The following CPSF2 variants were observed in gnomAD, a reference collection of about 807,000 sequenced individuals.
The protein encoded by CPSF2 is cleavage and polyadenylation specificity factor subunit 2.
CPSF2 carries 51 observed loss-of-function variants against 84.2 expected under a neutral mutation model. The observed-to-expected ratio is 0.61, with a 90% confidence interval of 0.48 to 0.77. The LOEUF (loss-of-function observed/expected upper bound fraction) is 0.77, where lower values mean the gene tolerates loss of function less well. Ranked by LOEUF, CPSF2 falls within the 30% of genes least tolerant of loss-of-function variation. The probability of loss-of-function intolerance (pLI) is 0.00; values close to 1 mark genes in which losing one functional copy is unlikely to be tolerated. For synonymous variants in CPSF2, 286 were observed against 311.9 expected, an observed-to-expected ratio of 0.92 and a Z score of 0.87; for missense variants, 641 against 929.4, an observed-to-expected ratio of 0.69 and a Z score of 4.03.
chr14:92,156,327 A>T, intron 11 of CPSF2, 152 bp from the exon 12 acceptor site: 1 of 603,696 alleles, frequency 1.7e-6, no homozygotes, highest in Non-Finnish European at 2.8e-6. Context: ...GCCATCTGGT[A>T]ATTGATATGA....
intron 7 of CPSF2, among the ~76,000 whole-genome samples, chr14:92,139,278 G>A (rs188538973): frequency 1.3e-5 from 2 of 151,836 alleles, no homozygotes; most frequent in African/African-American, 2.4e-5. Context: ...TTAGCCGGGC[G>A]TGGTGGCGGG....
chr14:92,145,550 G>A (rs1253772275), intron 9 of CPSF2, among the ~76,000 whole-genome samples: 1 of 152,186 alleles, frequency 6.6e-6, no homozygotes, highest in East Asian at 1.9e-4. Flanking sequence ...GAATTGTTGA[G>A]CAAGGATTCT....
At chr14:92,125,405 G>T (rs988731007) in intron 1 of CPSF2, among the ~76,000 whole-genome samples, 1 of 152,138 alleles carries the variant, frequency 6.6e-6, no homozygotes, top group Admixed American at 6.5e-5. Context: ...AATACAATTT[G>T]AGACTGAAGA....
Position 92,161,888 on chromosome 14 carries a change from A to G in CPSF2, c.*144A>G, listed in dbSNP as rs2069378557. ...ACATGTATCAGATTTTTAAAAATAT[A>G]AATAGAGAACATTTTGCAAATGCTC... On this transcript the variant is annotated 3_prime_UTR_variant, in exon 16 of 16. Transcript: ENST00000298875. 3 of 560,338 alleles carry G rather than the reference A, an allele frequency of 5.4e-6. No homozygotes were observed. The highest frequency in any genetic ancestry group is 9.2e-6 in the Non-Finnish European group (3 of 326,994). The allele number at this position is 560,338 out of a possible 1,614,324, so 34.7% of individuals were successfully genotyped here.
chr14:92,159,029 C>A lies in CPSF2; in HGVS notation c.1868C>A (p.Ala623Glu). The A allele has an allele frequency of 6.2e-7, 1 of 1,613,934 alleles. No homozygotes were observed. Among genetic ancestry groups the A allele is most frequent in the Non-Finnish European group, 8.5e-7 (1 of 1,179,930 alleles). The stretch of plus-strand genomic sequence containing the variant: ...GTCAGCTCTCTTCAGTTTTGTAAGG[C>A]AAAAGATGCTGAATTAGCTTGGATA... Reference protein sequence around the residue: ...SLVSSLQFCKAKDAELAWIDG... With the variant: ...SLVSSLQFCKEKDAELAWIDG... The change falls in exon 14 of 16, where the codon GCA becomes GAA. Residue 623 changes from alanine to glutamate, a missense_variant. Around this residue, in one of 2 missense-constraint regions of CPSF2, gnomAD observed 430 missense variants for 553.6 expected, o/e 0.78. Transcript: ENST00000298875.
rs2068984657 is a variant in CPSF2 at position 92,135,307 on chromosome 14, T to C, written c.416-60T>C. 7.6e-6 allele frequency: 11 copies of C among 1,443,014 alleles called. No homozygotes were observed. The Middle Eastern group carries it at 5.4e-4, about 71-fold the overall frequency. The allele number at this position is 1,443,014 out of a possible 1,614,324, so 89.4% of individuals were successfully genotyped here. Reference sequence around the variant, plus strand: ...CTATTAAAATATTATAGTTGAGAAATAAATAACCTTTCTTTAGGGTTGTAA... The same window carrying C: ...CTATTAAAATATTATAGTTGAGAAACAAATAACCTTTCTTTAGGGTTGTAA... On this transcript the variant is annotated intron_variant, in intron 5 of 15. Transcript: ENST00000298875.
intron 7 of CPSF2, among the ~76,000 whole-genome samples, chr14:92,140,738 C>T (rs149698484): frequency 2.2e-3 from 339 of 151,978 alleles, no homozygotes; most frequent in Non-Finnish European, 4.2e-3. Context: ...GGCCGCAATC[C>T]CCATCTCTAC....
At chr14:92,128,594 T>G (rs1235252171) in intron 2 of CPSF2, among the ~76,000 whole-genome samples, 1 of 152,186 alleles carries the variant, frequency 6.6e-6, no homozygotes, top group Non-Finnish European at 1.5e-5. Context: ...TAGAGAGAAG[T>G]ACCTAGAGGA....
intron 8 of CPSF2, 66 bp from the exon 9 acceptor site, chr14:92,142,938 A>G (rs2069096795): frequency 1.5e-6 from 2 of 1,331,452 alleles, no homozygotes; most frequent in Non-Finnish European, 2.1e-6. Context: ...TTCCTTGACT[A>G]TTAGAGAATA....
rs1176541041 is a variant in CPSF2, at chr14:92,167,005, C to CTT, written c.*5268_*5269dup. 6.7e-5 allele frequency: 7 copies of CTT among 103,818 alleles called. No homozygotes were observed. The highest frequency in any genetic ancestry group is 3.9e-4 in the Admixed American group (4 of 10,132). 6.4% of individuals were successfully genotyped at this position (103,818 alleles called of 1,614,324 possible). Reference sequence around the variant, plus strand: ...GAGTTTAGATTCTGCTTATCGATTTCTTTTTTTTCTTTTTTTTTTTTTTTG... The same window carrying CTT: ...GAGTTTAGATTCTGCTTATCGATTTCTTTTTTTTTTCTTTTTTTTTTTTTTTG... On this transcript the variant is annotated 3_prime_UTR_variant, in exon 16 of 16. Transcript: ENST00000298875.
chr14:92,155,649 C>T (rs560624574), intron 11 of CPSF2, among the ~76,000 whole-genome samples: 1 of 152,186 alleles, frequency 6.6e-6, no homozygotes, highest in East Asian at 1.9e-4. Flanking sequence ...AACTTTGGGG[C>T]TGTGTGTGGT....
chr14:92,122,015 C>T lies in CPSF2; in HGVS notation c.-207C>T, dbSNP rs2068773913. On this transcript the variant is annotated 5_prime_UTR_variant, in exon 1 of 16. Coordinates refer to ENST00000298875, the MANE Select transcript of CPSF2 (RefSeq NM_017437.3). Reference sequence around the variant, plus strand: ...GGCGGCTGCCACTGTGGGGCTTCTGCCGGCCGGTAGTCCCTGGCGCTGCTG... The same window carrying T: ...GGCGGCTGCCACTGTGGGGCTTCTGTCGGCCGGTAGTCCCTGGCGCTGCTG... 1 of 622,386 alleles carries T rather than the reference C, an allele frequency of 1.6e-6. No individual in the cohort carries two copies. Among genetic ancestry groups the T allele is most frequent in the South Asian group, 1.9e-5 (1 of 52,074 alleles). The allele number at this position is 622,386 out of a possible 1,614,324, so 38.6% of individuals were successfully genotyped here. A position where few individuals can be genotyped will look rare whatever the true frequency, so the allele number is the denominator to read the frequency against.
chr14:92,159,513 C>T (rs1206188114), intron 14 of CPSF2, among the ~76,000 whole-genome samples: 1 of 152,088 alleles, frequency 6.6e-6, no homozygotes, highest in African/African-American at 2.4e-5. Flanking sequence ...TCTACATCAG[C>T]CTGATTATAG....
intron 1 of CPSF2, among the ~76,000 whole-genome samples, 193 bp from the exon 2 acceptor site, chr14:92,125,927 ATG>A (rs2068840674): frequency 6.7e-6 from 1 of 148,556 alleles, no homozygotes; most frequent in Admixed American, 6.6e-5. Context: ...AAATATTTTT[ATG>A]TCTTTTATTA....
intron 14 of CPSF2, among the ~76,000 whole-genome samples, chr14:92,159,953 G>GTTT (rs35509016): frequency 1.4e-5 from 2 of 148,110 alleles, no homozygotes; most frequent in Non-Finnish European, 1.5e-5. Context: ...AAGTCATACT[G>GTTT]TTTTTTTTTT....
chr14:92,155,830 A>G (rs562788747), intron 11 of CPSF2, among the ~76,000 whole-genome samples: 66 of 152,242 alleles, frequency 4.3e-4, no homozygotes, highest in African/African-American at 1.5e-3. Flanking sequence ...TTATGTCTTA[A>G]GTATTATACA....
At chr14:92,158,630 A>G (rs1288107535) in intron 13 of CPSF2, among the ~76,000 whole-genome samples, 2 of 152,232 alleles carry the variant, frequency 1.3e-5, no homozygotes, top group African/African-American at 4.8e-5. Context: ...TTGACTGCAC[A>G]TAAGAATCAT....
chr14:92,158,273 A>G (rs1009813407), intron 13 of CPSF2, among the ~76,000 whole-genome samples: 6 of 152,226 alleles, frequency 3.9e-5, no homozygotes, highest in African/African-American at 9.6e-5. Flanking sequence ...GAGGAAAATG[A>G]TTAAGAATTC....
intron 5 of CPSF2, among the ~76,000 whole-genome samples, 160 bp downstream of exon 5, chr14:92,134,515 A>G (rs1233150197): frequency 1.3e-5 from 2 of 152,198 alleles, no homozygotes; most frequent in Non-Finnish European, 2.9e-5. Context: ...TTCCATTTGA[A>G]TTTTAAAATA....
Sources: allele counts gnomAD v4.1 joint callset (sites outside exome capture counted in the v4.1 genomes callset), GRCh38; gene constraint gnomAD v4.1.1; regional missense constraint gnomAD v4.1.1; transcripts MANE v1.5; gene names NCBI Gene and HGNC (gene_info 2026-07-23, HGNC 2026-07-21).